DMTN: variants seen among roughly 807,000 people sequenced by gnomAD.
DMTN encodes the protein dematin.
DMTN carries 27 observed loss-of-function variants against 59.4 expected under a neutral mutation model. The ratio of observed to expected loss-of-function variants is 0.45; its 90% CI spans 0.33 to 0.63. The LOEUF is 0.63. DMTN is among the 20% of genes least tolerant of loss of function. The pLI is 0.02. For synonymous variants in DMTN, 221 were observed against 203.7 expected, an observed-to-expected ratio of 1.08 and a Z score of -0.72; for missense variants, 451 against 528.9, an observed-to-expected ratio of 0.85 and a Z score of 1.45.
At chr8:22,070,634 A>G (rs1205064472) in intron 8 of DMTN, among the ~76,000 whole-genome samples, 4 of 152,244 alleles carry the variant, frequency 2.6e-5, no homozygotes, top group Non-Finnish European at 4.4e-5. Context: ...GCACTGGGAA[A>G]GAGAAAGATA....
rs775647615 is a variant in DMTN, at chr8:22,069,486, C to G, written c.362C>G (p.Pro121Arg). 9 of 1,611,168 alleles carry G rather than the reference C, an allele frequency of 5.6e-6. No individual in the cohort carries two copies. The highest frequency in any genetic ancestry group is 1.1e-5 in the South Asian group (1 of 90,876). The part of the protein sequence containing the change: ...QASAPRTTGT[P>R]RTSLPHFHHP... ...TCGGCCCCCAGAACCACTGGAACCC[C>G]CCGGACCAGCCTGCCCCATTTCCAC... The change falls in exon 6 of 16, where the codon CCC (proline) becomes CGC (arginine). Residue 121 changes from proline (P) to arginine (R), a missense_variant. Physicochemically the swap from Pro to Arg is moderately radical, Grantham distance 103. Coordinates refer to ENST00000358242, the MANE Select transcript of DMTN (RefSeq NM_001387751.1).
chr8:22,050,525 C>CCCCT (rs555918033), upstream of DMTN, among the ~76,000 whole-genome samples: 177 of 150,758 alleles, frequency 1.2e-3, no homozygotes, highest in East Asian at 4.1e-3. Flanking sequence ...CTTTCTCCGG[C>CCCCT]CCCTCCCTCC....
chr8:22,054,665 G>A (rs917773953), upstream of DMTN: 1 of 152,398 alleles, frequency 6.6e-6, no homozygotes, highest in Non-Finnish European at 1.5e-5. Flanking sequence ...GGGTTCTCCT[G>A]GGGTCACCCC....
At chr8:22,079,468 C>A (rs1254264982) in intron 10 of DMTN, among the ~76,000 whole-genome samples, 1 of 151,284 alleles carries the variant, frequency 6.6e-6, no homozygotes, top group Non-Finnish European at 1.5e-5. Context: ...AATAAATAAA[C>A]AAACAAACAA....
chr8:22,081,133 A>G lies in DMTN; in HGVS notation c.1044A>G (p.Leu348=), dbSNP rs200552726. 7.3e-6 allele frequency: 10 copies of G among 1,378,258 alleles called. No homozygotes were observed. In the East Asian group the frequency reaches 3.5e-4, roughly 48 times the overall value. 85.4% of individuals were successfully genotyped at this position (1,378,258 alleles called of 1,614,324 possible). Residue 348 remains leucine (L), a synonymous_variant, in exon 15 of 16, where the codon CTA becomes CTG. Transcript: ENST00000358242. ...CCCAGATCTATCCCTATGAAATGCT[A>G]GTGGTGACCAACAAGGGGCGAACCA... The part of the protein sequence containing the change: ...LEQKIYPYEM[L]VVTNKGRTKL...
At chr8:22,072,297 C>G (rs1349641521) in intron 8 of DMTN, 29 bp from the exon 9 acceptor site, 1 of 1,581,992 alleles carries the variant, frequency 6.3e-7, no homozygotes, top group East Asian at 2.3e-5. Flanking sequence ...GCGAGTGACT[C>G]CCTCCCCACC....
Position 22,067,125 on chromosome 8 carries a change from A to G in DMTN, c.59A>G (p.Asp20Gly), listed in dbSNP as rs759394214. The G allele has an allele frequency of 6.2e-7, 1 of 1,604,936 alleles. No individual in the cohort carries two copies. Among genetic ancestry groups the G allele is most frequent in the South Asian group, 1.1e-5 (1 of 90,440 alleles). Residue 20 changes from aspartate (D) to glycine (G), a missense_variant, in exon 3 of 16, where the codon GAT (aspartate) becomes GGT (glycine). Physicochemically the swap from Asp to Gly is moderately conservative, Grantham distance 94. Transcript: ENST00000358242. ...TSPGSVSPSR[D>G]SSVPGSPSSI... ...CCCGGGAGCGTGAGCCCCTCCCGAG[A>G]TTCCAGTGTGCCTGGCTCTCCCTCC...
In DMTN at chr8:22,059,012, C is replaced by T. The variant is rs560426421; in HGVS notation, c.-172+1876C>T. ...GCGCCTGGCCCCTGCCCTGCAGCGC[C>T]GCACTGCTCCACCCTCCCTGCCCCT... On this transcript the variant is annotated intron_variant, in intron 1 of 15. Coordinates refer to ENST00000358242, the MANE Select transcript of DMTN (RefSeq NM_001387751.1). Among the ~76,000 whole-genome samples the T allele has an allele frequency of 7.2e-5, 11 of 152,166 alleles. No homozygotes were observed. The East Asian group carries it at 7.8e-4, about 11-fold the overall frequency.
At position 22,070,825 on chromosome 8, in the gene DMTN, C is replaced by A. The variant is rs574400310; in HGVS notation, c.604+491C>A. On this transcript the variant is annotated intron_variant, in intron 8 of 15. Coordinates refer to ENST00000358242, the MANE Select transcript of DMTN (RefSeq NM_001387751.1). ...TTAAGCAATTTCCCATCACCACCCCCCACACCCTTCTGAGTTGCCATGGTC... is the reference window on the plus strand; with the variant it reads ...TTAAGCAATTTCCCATCACCACCCCACACACCCTTCTGAGTTGCCATGGTC... Among the ~76,000 whole-genome samples, 4 of 152,278 alleles carry A rather than the reference C, an allele frequency of 2.6e-5. No individual in the cohort carries two copies. The East Asian group carries it at 7.7e-4, about 29-fold the overall frequency.
At chr8:22,061,584 G>C (rs1475059331) in intron 1 of DMTN, among the ~76,000 whole-genome samples, 1 of 151,938 alleles carries the variant, frequency 6.6e-6, no homozygotes, top group Non-Finnish European at 1.5e-5. Flanking sequence ...CCCTCCCCCC[G>C]GTGGTGTTTC....
rs150351381 is a variant in DMTN, at chr8:22,059,079, G to A, written c.-172+1943G>A. On this transcript the variant is annotated intron_variant, in intron 1 of 15. Coordinates refer to ENST00000358242, the MANE Select transcript of DMTN (RefSeq NM_001387751.1). ...GTTTTGGGAACTGGTGACCTAGCTG[G>A]ATTCTGCCTTTATTTCTGGCATTGA... The A allele has an allele frequency of 6.2e-3, 944 of 152,100 alleles. 8 individuals are homozygous for A. Among genetic ancestry groups the A allele is most frequent in the Non-Finnish European group, 0.01 (710 of 68,052 alleles). The allele number at this position is 152,100 out of a possible 1,614,324, so 9.4% of individuals were successfully genotyped here.
At chr8:22,076,673 A>G (rs931165163) in intron 10 of DMTN, among the ~76,000 whole-genome samples, 2 of 151,744 alleles carry the variant, frequency 1.3e-5, no homozygotes, top group African/African-American at 2.4e-5. Flanking sequence ...ATATACAGTG[A>G]CATATATATA....
Position 22,080,864 on chromosome 8 carries a change from G to C in DMTN, c.1017G>C (p.Glu339Asp). Residue 339 changes from glutamate to aspartate, a missense_variant, in exon 14 of 16, where the codon GAG becomes GAC. Physicochemically the swap from Glu to Asp is conservative, Grantham distance 45. Coordinates refer to ENST00000358242, the MANE Select transcript of DMTN (RefSeq NM_001387751.1). The stretch of plus-strand genomic sequence containing the variant: ...GGAACTCCCTGCCCTGTGTGCTGGA[G>C]CAGAAGGTGAGGGGCAGGGGACACA... ...DRGNSLPCVL[E>D]QKIYPYEMLV... 6.4e-7 allele frequency: 1 copy of C among 1,574,484 alleles called. No individual in the cohort carries two copies. The highest frequency in any genetic ancestry group is 8.6e-7 in the Non-Finnish European group (1 of 1,157,694).
At chr8:22,059,032 GC>G (rs1804389440) in intron 1 of DMTN, 2 of 152,324 alleles carry the variant, frequency 1.3e-5, no homozygotes, top group African/African-American at 4.8e-5. Flanking sequence ...CACCCTCCCT[GC>G]CCCTCCCCAC....
chr8:22,078,010 G>A lies in DMTN; in HGVS notation c.836-2170G>A, dbSNP rs573246042. On this transcript the variant is annotated intron_variant, in intron 10 of 15. Coordinates refer to ENST00000358242, the MANE Select transcript of DMTN (RefSeq NM_001387751.1). ...TTCTAAATAAAAATAAGTGTTAGGGGTAAAAATGAGGTTTTGTTCTCAATA... is the reference window on the plus strand; with the variant it reads ...TTCTAAATAAAAATAAGTGTTAGGGATAAAAATGAGGTTTTGTTCTCAATA... Among the ~76,000 whole-genome samples, 4 of 152,226 alleles carry A rather than the reference G, an allele frequency of 2.6e-5. 1 individual carries two copies. The highest frequency in any genetic ancestry group is 3.9e-4 in the East Asian group (2 of 5,188).
At chr8:22,067,488 C>T in intron 3 of DMTN, 39 bp from the exon 4 acceptor site, 1 of 1,611,906 alleles carries the variant, frequency 6.2e-7, no homozygotes, top group Non-Finnish European at 8.5e-7. Flanking sequence ...CTAGGCGGGG[C>T]TTTCGGCACA....
chr8:22,058,151 C>T lies in DMTN; in HGVS notation c.-172+1015C>T, dbSNP rs554077374. Among the ~76,000 whole-genome samples the T allele has an allele frequency of 1.3e-5, 2 of 152,188 alleles. No individual in the cohort carries two copies. Among genetic ancestry groups the T allele is most frequent in the African/African-American group, 2.4e-5 (1 of 41,514 alleles). On this transcript the variant is annotated intron_variant, in intron 1 of 15. Coordinates refer to ENST00000358242, the MANE Select transcript of DMTN (RefSeq NM_001387751.1). The surrounding 1 kb of genome is among the most constrained non-coding windows in gnomAD (Gnocchi z 4.3). Reference sequence around the variant, plus strand: ...GCTTCGGAGTCTCCCCGCGTGCATGCGTCCTGCAACGGTTTCAGCGCGGGC... The same window carrying T: ...GCTTCGGAGTCTCCCCGCGTGCATGTGTCCTGCAACGGTTTCAGCGCGGGC...
chr8:22,066,915 CGGGGCCGCCGAGGGCGGGTG>C (rs1811086984), intron 2 of DMTN, 22 bp downstream of exon 2: 3 of 1,244,308 alleles, frequency 2.4e-6, no homozygotes, highest in Non-Finnish European at 3.0e-6. Flanking sequence ...CGCCCCGGGC[CGGGGCCGCCGAGGGCGGGTG>C]GGGGCCGCTT....
intron 14 of DMTN, 76 bp from the exon 15 acceptor site, chr8:22,081,037 G>C: frequency 6.6e-7 from 1 of 1,524,668 alleles, no homozygotes; most frequent in Non-Finnish European, 9.1e-7. Context: ...GCCTCTGCAG[G>C]TTGATGTGGG....
Sources: allele counts gnomAD v4.1 joint callset (sites outside exome capture counted in the v4.1 genomes callset), GRCh38; gene constraint gnomAD v4.1.1; non-coding constraint Gnocchi (gnomAD v3.1); transcripts MANE v1.5; gene names NCBI Gene and HGNC (gene_info 2026-07-23, HGNC 2026-07-21).